Variants in NALCN observed in about 807,000 individuals in gnomAD.
The protein encoded by NALCN is sodium leak channel, non-selective, also known as sodium leak channel NALCN.
NALCN carries 111 observed loss-of-function variants against 225.3 expected under a neutral mutation model. The observed-to-expected ratio is 0.49, with a 90% CI of 0.42 to 0.58. The LOEUF is 0.58. Among genes scored for constraint, NALCN ranks in the 20% least tolerant of loss-of-function variants. The pLI, the probability that NALCN is intolerant of heterozygous loss-of-function variation, is 0.00. For missense variants in NALCN, 1,378 were observed against 2,202.4 expected (o/e 0.63, Z 7.49); for synonymous variants, 764 against 769.0 (o/e 0.99, Z 0.11).
intron 15 of NALCN, among the ~76,000 whole-genome samples, chr13:101,149,937 C>T (rs1213545409): frequency 6.6e-6 from 1 of 152,238 alleles, no homozygotes; most frequent in Non-Finnish European, 1.5e-5. Flanking sequence ...TGCGTGCACA[C>T]CCACAAGGCA....
rs565612139 is a variant in NALCN at position 101,185,160 on chromosome 13, T to C, written c.1764+6757A>G. ...ACTTTTTATATGGGTCAACAAAAAG[T>C]CAAATGTAATCAGCGCAGTGTAAAA... On this transcript the variant is annotated intron_variant, in intron 14 of 43. Transcript: ENST00000251127. Among the ~76,000 whole-genome samples, 6 of 152,328 alleles carry C rather than the reference T, an allele frequency of 3.9e-5. No individual in the cohort carries two copies. In the South Asian group the frequency reaches 1.0e-3, roughly 26 times the overall value.
rs764444847 is a variant in NALCN at position 101,345,343 on chromosome 13, G to A, written c.722C>T (p.Pro241Leu). 83 of 1,613,698 alleles carry A rather than the reference G, an allele frequency of 5.1e-5. No homozygotes were observed. The Admixed American group carries it at 1.4e-3, about 26-fold the overall frequency. ...PELEEGYQCPPGFKCMDLEDL... is the reference protein window; with the variant it reads ...PELEEGYQCPLGFKCMDLEDL... Reference sequence around the variant, plus strand: ...TTCAAGGTCCATGCATTTAAATCCAGGTGGGCACTGGTAGCCTTCTTCTAG... The same window carrying A: ...TTCAAGGTCCATGCATTTAAATCCAAGTGGGCACTGGTAGCCTTCTTCTAG... The change falls in exon 7 of 44, where the codon CCT becomes CTT. Residue 241 changes from proline to leucine, a missense_variant. By Grantham distance (98) the Pro-to-Leu change is moderately conservative. Around this residue, in one of 19 missense-constraint regions of NALCN, gnomAD observed 67 missense variants for 82.1 expected, o/e 0.82. Transcript: ENST00000251127.
chr13:101,414,775 A>C (rs985000911), intron 1 of NALCN, among the ~76,000 whole-genome samples: 1 of 152,202 alleles, frequency 6.6e-6, no homozygotes, highest in African/African-American at 2.4e-5. Context: ...TTTCTCCTAG[A>C]GTTCTGTAGA....
chr13:101,083,712 C>T lies in NALCN; in HGVS notation c.3582G>A (p.Pro1194=), dbSNP rs201831882. The T allele has an allele frequency of 9.3e-6, 15 of 1,613,066 alleles. No individual in the cohort carries two copies. Among genetic ancestry groups the T allele is most frequent in the East Asian group, 8.9e-5 (4 of 44,834 alleles). The change falls in exon 31 of 44, where the codon CCG becomes CCA. Residue 1194 remains proline (P), a splice_region_variant and synonymous_variant. Coordinates refer to ENST00000251127, the MANE Select transcript of NALCN (RefSeq NM_052867.4). ...IAQPLHLPPR[P]DNDGFRAKMY... ...ATAAAATCAGAGCATTTTGGGTACC[C>T]GGGCGAGGCGGAAGATGAAGAGGCT...
chr13:101,222,837 T>A (rs1158715853), intron 13 of NALCN, among the ~76,000 whole-genome samples: 5 of 152,180 alleles, frequency 3.3e-5, no homozygotes, highest in Admixed American at 6.5e-5. Context: ...AGCTCATTCA[T>A]CCTCTATTAA....
intron 7 of NALCN, among the ~76,000 whole-genome samples, chr13:101,295,977 T>C (rs1189603241): frequency 1.3e-5 from 2 of 152,210 alleles, no homozygotes; most frequent in African/African-American, 2.4e-5. Flanking sequence ...AAAGAAACTG[T>C]AGCTACTGAA....
At chr13:101,214,716 T>C (rs1189675010) in intron 13 of NALCN, among the ~76,000 whole-genome samples, 15 of 152,156 alleles carry the variant, frequency 9.9e-5, no homozygotes, top group Admixed American at 9.8e-4. Context: ...CTTTGGTTTT[T>C]AATGTTGTGT....
intron 6 of NALCN, among the ~76,000 whole-genome samples, chr13:101,360,033 C>T (rs1334820764): frequency 2.0e-5 from 3 of 151,740 alleles, no homozygotes; most frequent in South Asian, 4.2e-4. Context: ...AAATAAGATA[C>T]CCAGTCTCAG....
At chr13:101,413,997 C>T (rs537964637) in intron 1 of NALCN, among the ~76,000 whole-genome samples, 1 of 152,156 alleles carries the variant, frequency 6.6e-6, no homozygotes, top group South Asian at 2.1e-4. Context: ...GCGATCCTTC[C>T]ACCTCAGCCT....
chr13:101,380,875 C>T (rs572956440), intron 3 of NALCN, among the ~76,000 whole-genome samples: 2 of 151,764 alleles, frequency 1.3e-5, no homozygotes, highest in East Asian at 3.9e-4. Flanking sequence ...CACACACACA[C>T]ACACACACAC....
intron 15 of NALCN, among the ~76,000 whole-genome samples, chr13:101,157,072 C>T (rs12863308): frequency 0.28 from 43,192 of 152,058 alleles, 6,536 homozygotes; most frequent in Non-Finnish European, 0.34. Context: ...GTATATACTG[C>T]ACTCATGTCC....
chr13:101,291,478 AT>A (rs2043549594), intron 9 of NALCN, among the ~76,000 whole-genome samples: 1 of 152,138 alleles, frequency 6.6e-6, no homozygotes, highest in South Asian at 2.1e-4. Flanking sequence ...TATAGGTGTC[AT>A]TACCTCACTG....
At position 101,155,742 on chromosome 13, in the gene NALCN, G is replaced by A. The variant is rs939111066; in HGVS notation, c.1840-10846C>T. 3.3e-5 allele frequency among the ~76,000 whole-genome samples: 5 copies of A among 152,262 alleles called. No individual in the cohort carries two copies. The East Asian group carries it at 9.6e-4, about 29-fold the overall frequency. On this transcript the variant is annotated intron_variant, in intron 15 of 43. Transcript: ENST00000251127. The stretch of plus-strand genomic sequence containing the variant: ...AGGAAGGAGGAGTATCAAAGAATTT[G>A]TGGGTGGATGTTAAAGCTGCTACAA...
intron 34 of NALCN, among the ~76,000 whole-genome samples, chr13:101,080,623 T>A (rs866655991): frequency 7.0e-6 from 1 of 143,640 alleles, no homozygotes; most frequent in African/African-American, 2.6e-5. Flanking sequence ...TCAATTAAAT[T>A]AATTATTTAA....
intron 6 of NALCN, among the ~76,000 whole-genome samples, chr13:101,360,925 GGTCT>G (rs1253957739): frequency 6.6e-6 from 1 of 152,002 alleles, no homozygotes; most frequent in Admixed American, 6.6e-5. Flanking sequence ...GAAGACTCAA[GGTCT>G]ATTTTTTTAA....
chr13:101,297,169 G>A (rs1358654460), intron 7 of NALCN, among the ~76,000 whole-genome samples: 1 of 152,168 alleles, frequency 6.6e-6, no homozygotes. Flanking sequence ...TCTCAAGTGA[G>A]AGGGTCATAA....
chr13:101,351,708 T>C (rs2045913094), intron 6 of NALCN, among the ~76,000 whole-genome samples: 1 of 152,108 alleles, frequency 6.6e-6, no homozygotes, highest in Admixed American at 6.5e-5. Flanking sequence ...AAAAAACAAT[T>C]CCCAGAAGGA....
chr13:101,136,537 G>C (rs192994070), intron 17 of NALCN, among the ~76,000 whole-genome samples: 2 of 147,970 alleles, frequency 1.4e-5, no homozygotes, highest in Admixed American at 7.0e-5. Flanking sequence ...TCCCACCTAT[G>C]AGTGAGAACA....
chr13:101,055,040 T>C lies in NALCN; in HGVS notation c.*255A>G. The C allele has an allele frequency of 2.1e-6, 1 of 481,020 alleles. No individual in the cohort carries two copies. The highest frequency in any genetic ancestry group is 3.7e-6 in the Non-Finnish European group (1 of 271,984). 29.8% of individuals were successfully genotyped at this position (481,020 alleles called of 1,614,324 possible). A position where few individuals can be genotyped will look rare whatever the true frequency, so the allele number is the denominator to read the frequency against. ...GAATATATGACATTTTTAAGTGATA[T>C]ACATTTGCTTGCGGTATCATTTCTA... On this transcript the variant is annotated 3_prime_UTR_variant, in exon 44 of 44. Transcript: ENST00000251127.
Sources: gnomAD v4.1 joint callset for allele counts (sites outside exome capture counted in the v4.1 genomes callset) on GRCh38, gnomAD v4.1.1 for gene constraint, gnomAD v4.1.1 regional missense constraint, MANE v1.5 for transcripts, NCBI Gene and HGNC (gene_info 2026-07-23, HGNC 2026-07-21) for gene names.